The following CLCA4 variants were observed in gnomAD, a reference collection of about 807,000 sequenced individuals.
CLCA4 encodes the protein chloride channel accessory 4.
CLCA4 carries 69 observed loss-of-function variants against 78.9 expected under a neutral mutation model. The observed-to-expected ratio is 0.87, with a 90% confidence interval of 0.72 to 1.07. The LOEUF is 1.07. Ranked by LOEUF, CLCA4 falls within the 50% of genes least tolerant of loss-of-function variation. The pLI is 0.00. For synonymous variants in CLCA4, 362 were observed against 375.8 expected, an observed-to-expected ratio of 0.96 and a Z score of 0.42; for missense variants, 1,133 against 1,095.8, an observed-to-expected ratio of 1.03 and a Z score of -0.48.
rs1343178324 is a variant in CLCA4 at position 86,560,240 on chromosome 1, C to A, written c.330C>A (p.Leu110=). ...ATGTTATAGTTGCACCACCTACACT[C>A]CCAGGTAGAGATGAACCATACACCA... The part of the protein sequence containing the change: ...HADVIVAPPT[L]PGRDEPYTKQ... The change falls in exon 3 of 14, where the codon CTC becomes CTA. Residue 110 remains leucine (L), a synonymous_variant. Transcript: ENST00000370563. 6 of 1,613,610 alleles carry A rather than the reference C, an allele frequency of 3.7e-6. No homozygotes were observed. The highest frequency in any genetic ancestry group is 5.1e-6 in the Non-Finnish European group (6 of 1,179,862).
intron 12 of CLCA4, among the ~76,000 whole-genome samples, chr1:86,578,506 C>G (rs1650600686): frequency 6.6e-6 from 1 of 152,028 alleles, no homozygotes; most frequent in South Asian, 2.1e-4. Flanking sequence ...CTCTTTGTGT[C>G]CATGAATTCT....
At chr1:86,576,249 T>C (rs1033690976) in intron 11 of CLCA4, among the ~76,000 whole-genome samples, 1 of 152,062 alleles carries the variant, frequency 6.6e-6, no homozygotes, top group African/African-American at 2.4e-5. Flanking sequence ...CTGATGCCTC[T>C]GCCTCCCAGG....
At chr1:86,565,182 G>T in intron 4 of CLCA4, 92 bp from the exon 5 acceptor site, 1 of 807,258 alleles carries the variant, frequency 1.2e-6, no homozygotes, top group Non-Finnish European at 2.0e-6. Flanking sequence ...TAAACATCTT[G>T]ATATAAAGTT....
intron 4 of CLCA4, 91 bp from the exon 5 acceptor site, chr1:86,565,183 A>G (rs1650140245): frequency 1.2e-6 from 1 of 819,068 alleles, no homozygotes; most frequent in Non-Finnish European, 1.9e-6. Flanking sequence ...AAACATCTTG[A>G]TATAAAGTTC....
At chr1:86,572,568 T>A in intron 8 of CLCA4, 46 bp from the exon 9 acceptor site, 1 of 1,078,030 alleles carries the variant, frequency 9.3e-7, no homozygotes, top group Non-Finnish European at 1.4e-6. Context: ...AAAATATATG[T>A]ACTTATTTTC....
intron 9 of CLCA4, among the ~76,000 whole-genome samples, chr1:86,573,189 T>C (rs986569557): frequency 6.6e-5 from 10 of 151,840 alleles, no homozygotes; most frequent in African/African-American, 2.4e-4. Flanking sequence ...ACGGGGTGAA[T>C]AATCATTGTC....
In CLCA4 at chr1:86,574,731, T is replaced by A. The variant is rs1382625985; in HGVS notation, c.1659T>A (p.Tyr553Ter). 8.7e-6 allele frequency: 14 copies of A among 1,612,964 alleles called. No individual in the cohort carries two copies. The highest frequency in any genetic ancestry group is 1.2e-5 in the Non-Finnish European group (14 of 1,179,276). ...FTVDATSKMA[Y>*]LSIPGTAKVG... ...TGGATGCAACTTCCAAAATGGCCTATCTCAGTATTCCAGGAACTGCAAAGG... is the reference window on the plus strand; with the variant it reads ...TGGATGCAACTTCCAAAATGGCCTAACTCAGTATTCCAGGAACTGCAAAGG... Residue 553 changes from tyrosine to a stop codon, truncating the protein, a stop_gained, in exon 10 of 14, where the codon TAT (tyrosine) becomes TAA (stop). Transcript: ENST00000370563. LOFTEE classifies it high-confidence loss of function.
chr1:86,571,162 T>G lies in CLCA4; in HGVS notation c.1268T>G (p.Ile423Ser). 6.2e-7 allele frequency: 1 copy of G among 1,613,028 alleles called. No homozygotes were observed. The highest frequency in any genetic ancestry group is 8.5e-7 in the Non-Finnish European group (1 of 1,179,174). ...DGEDNTASSCIDEVKQSGAIV... is the reference protein window; with the variant it reads ...DGEDNTASSCSDEVKQSGAIV... Reference sequence around the variant, plus strand: ...GAGGATAACACTGCAAGTTCTTGTATTGATGAAGTGAAACAAAGTGGGGCC... The same window carrying G: ...GAGGATAACACTGCAAGTTCTTGTAGTGATGAAGTGAAACAAAGTGGGGCC... The change falls in exon 8 of 14, where the codon ATT becomes AGT. Residue 423 changes from isoleucine to serine, a missense_variant. Transcript: ENST00000370563.
chr1:86,561,238 C>T (rs1650008271), intron 3 of CLCA4, among the ~76,000 whole-genome samples: 1 of 152,210 alleles, frequency 6.6e-6, no homozygotes, highest in South Asian at 2.1e-4. Flanking sequence ...TTCCTTGGCA[C>T]CTCTAATCCT....
In CLCA4 at chr1:86,580,244, C is replaced by T. The variant is rs1247058999; in HGVS notation, c.2659C>T (p.Pro887Ser). The T allele has an allele frequency of 6.2e-7, 1 of 1,608,798 alleles. No individual in the cohort carries two copies. The change falls in exon 14 of 14, where the codon CCT becomes TCT. Residue 887 changes from proline to serine, a missense_variant. Physicochemically the swap from Pro to Ser is moderately conservative, Grantham distance 74. Transcript: ENST00000370563. ...ACCTACTCCTACTCCTACTCCTACT[C>T]CTGATAAAAGTCATAATTCTGGAGT... ...PTPTPTPTPT[P>S]DKSHNSGVNI... is the part of the protein sequence containing the mutation.
intron 11 of CLCA4, 65 bp downstream of exon 11, chr1:86,575,664 G>A: frequency 1.4e-6 from 2 of 1,422,716 alleles, no homozygotes; most frequent in Non-Finnish European, 2.0e-6. Flanking sequence ...GAGTCCCTGT[G>A]GCATTGTGGA....
At chr1:86,576,428 C>T (rs1336501799) in intron 11 of CLCA4, among the ~76,000 whole-genome samples, 1 of 152,064 alleles carries the variant, frequency 6.6e-6, no homozygotes, top group Non-Finnish European at 1.5e-5. Context: ...AGCCACCCTC[C>T]CACCCCAGCC....
At chr1:86,550,893 G>C (rs1649636252) in intron 1 of CLCA4, among the ~76,000 whole-genome samples, 1 of 146,408 alleles carries the variant, frequency 6.8e-6, no homozygotes, top group Non-Finnish European at 1.5e-5. Flanking sequence ...GTGCAGTGGT[G>C]CGATCTTGGC....
intron 3 of CLCA4, among the ~76,000 whole-genome samples, 188 bp downstream of exon 3, chr1:86,560,546 A>G (rs1649986967): frequency 6.6e-6 from 1 of 152,208 alleles, no homozygotes; most frequent in Non-Finnish European, 1.5e-5. Context: ...AATGGCAAAG[A>G]GAGGAGTTTC....
chr1:86,561,446 A>G (rs543652171), intron 3 of CLCA4, among the ~76,000 whole-genome samples: 1 of 152,304 alleles, frequency 6.6e-6, no homozygotes, highest in African/African-American at 2.4e-5. Context: ...GAAAATTATA[A>G]AACTAAGTGA....
intron 1 of CLCA4, among the ~76,000 whole-genome samples, chr1:86,555,486 C>T (rs1431965817): frequency 1.3e-5 from 2 of 152,074 alleles, no homozygotes; most frequent in Non-Finnish European, 1.5e-5. Context: ...TTTTTGTCAG[C>T]TTTGTTGAAG....
intron 3 of CLCA4, among the ~76,000 whole-genome samples, chr1:86,562,747 G>T (rs1009255507): frequency 1.3e-5 from 2 of 151,366 alleles, no homozygotes; most frequent in African/African-American, 4.9e-5. Flanking sequence ...TCAGCTACTC[G>T]GGAGGCTGAG....
intron 1 of CLCA4, among the ~76,000 whole-genome samples, chr1:86,551,587 A>G (rs1263856666): frequency 6.6e-6 from 1 of 152,184 alleles, no homozygotes; most frequent in African/African-American, 2.4e-5. Flanking sequence ...TCTAGACTTC[A>G]GCCTTAACCT....
rs752946256 is a variant in CLCA4, at chr1:86,578,047, G to A, written c.2097G>A (p.Ala699=). The A allele has an allele frequency of 4.8e-5, 77 of 1,611,980 alleles. No homozygotes were observed. The highest frequency in any genetic ancestry group is 6.7e-5 in the East Asian group (3 of 44,748). The change falls in exon 12 of 14, where the codon GCG becomes GCA. Residue 699 remains alanine, a synonymous_variant. Transcript: ENST00000370563. ...TACGGCCTCCACTGAATAGAGCCGC[G>A]TACATACCAGGCTGGGTAGTGAACG... ...LKLRPPLNRA[A]YIPGWVVNGE...
Sources: allele counts gnomAD v4.1 joint callset (sites outside exome capture counted in the v4.1 genomes callset), GRCh38; gene constraint gnomAD v4.1.1; transcripts MANE v1.5; gene names NCBI Gene and HGNC (gene_info 2026-07-23, HGNC 2026-07-21).